The following LRRC39 variants were observed in gnomAD, a reference collection of about 807,000 sequenced individuals.
LRRC39 encodes the protein leucine rich repeat containing 39.
A neutral mutation model predicts 39.7 loss-of-function variants in LRRC39; 35 were observed. That is an observed-to-expected ratio of 0.88 (90% CI 0.67 to 1.17). LRRC39 has a LOEUF of 1.17. Ranked by LOEUF, LRRC39 falls within the 50% of genes most tolerant of loss-of-function variation. The pLI, the probability that LRRC39 is intolerant of heterozygous loss-of-function variation, is 0.00. For missense variants in LRRC39, 357 were observed against 385.8 expected (o/e 0.93, Z 0.62); for synonymous variants, 113 against 134.1 (o/e 0.84, Z 1.09).
intron 9 of LRRC39, chr1:100,149,314 G>T: frequency 6.5e-7 from 1 of 1,535,684 alleles, no homozygotes; most frequent in South Asian, 1.3e-5. Flanking sequence ...CTCAAATGCA[G>T]ACAATTCAGA....
At chr1:100,151,126 CAAAAAAAAAAAAA>C (rs772782982) in intron 9 of LRRC39, among the ~76,000 whole-genome samples, 2 of 43,668 alleles carry the variant, frequency 4.6e-5, no homozygotes, top group South Asian at 1.2e-3. Flanking sequence ...AGAAACTCCT[CAAAAAAAAAAAAA>C]AAAAAAAAAA....
At position 100,160,475 on chromosome 1, in the gene LRRC39, C is replaced by T. The variant is rs776852505; in HGVS notation, c.210G>A (p.Glu70=). 8 of 1,612,426 alleles carry T rather than the reference C, an allele frequency of 5.0e-6. No individual in the cohort carries two copies. In the East Asian group the frequency reaches 6.7e-5, roughly 13 times the overall value. The change falls in exon 4 of 10, where the codon GAG becomes GAA. Residue 70 remains glutamate, a synonymous_variant. Coordinates refer to ENST00000370137, the MANE Select transcript of LRRC39 (RefSeq NM_144620.4). The stretch of plus-strand genomic sequence containing the variant: ...TTCTATAAAAGCTTACCTTCCATTC[C>T]TCTTTTTCTATCTTCAAAATGACTC... The part of the protein sequence containing the change: ...DGRVILKIEK[E]EWKTLPSSLL...
intron 7 of LRRC39, 39 bp downstream of exon 7, chr1:100,156,133 A>C: frequency 6.3e-7 from 1 of 1,580,380 alleles, no homozygotes; most frequent in Non-Finnish European, 8.6e-7. Flanking sequence ...AAGAGGTTTC[A>C]AGACTTTTAT....
At chr1:100,156,857 C>T (rs576404296) in intron 6 of LRRC39, among the ~76,000 whole-genome samples, 6 of 152,222 alleles carry the variant, frequency 3.9e-5, no homozygotes, top group East Asian at 1.9e-4. Flanking sequence ...TGGTGGCACA[C>T]GACTGTAGTC....
At chr1:100,165,684 C>T (rs1659187523) in intron 3 of LRRC39, among the ~76,000 whole-genome samples, 1 of 152,040 alleles carries the variant, frequency 6.6e-6, no homozygotes, top group Non-Finnish European at 1.5e-5. Context: ...AAGTGTTTAC[C>T]AAGTAATCCA....
chr1:100,163,406 A>C (rs2101782914), intron 3 of LRRC39, among the ~76,000 whole-genome samples: 1 of 152,268 alleles, frequency 6.6e-6, no homozygotes, highest in Admixed American at 6.5e-5. Flanking sequence ...ATCTCTGTAA[A>C]GATCGCTAAA....
chr1:100,168,791 A>C (rs1419841924), intron 2 of LRRC39, among the ~76,000 whole-genome samples, 197 bp from the exon 3 acceptor site: 1 of 152,122 alleles, frequency 6.6e-6, no homozygotes, highest in African/African-American at 2.4e-5. Context: ...TAGATGAGAA[A>C]ATTAAGCTTT....
At position 100,160,503 on chromosome 1, in the gene LRRC39, C is replaced by T. The variant is rs190107043; in HGVS notation, c.182G>A (p.Gly61Glu). ...KLREKVTRED[G>E]RVILKIEKEE... ...TTTTTCTATCTTCAAAATGACTCTTCCATCTTCCCTGGTGACCTTTTCTCT... is the reference window on the plus strand; with the variant it reads ...TTTTTCTATCTTCAAAATGACTCTTTCATCTTCCCTGGTGACCTTTTCTCT... The change falls in exon 4 of 10, where the codon GGA (glycine) becomes GAA (glutamate). Residue 61 changes from glycine (G) to glutamate (E), a missense_variant. By Grantham distance (98) the Gly-to-Glu change is moderately conservative (BLOSUM62 -2). Transcript: ENST00000370137. 1.4e-5 allele frequency: 22 copies of T among 1,613,994 alleles called. No individual in the cohort carries two copies. The highest frequency in any genetic ancestry group is 1.9e-5 in the Non-Finnish European group (22 of 1,179,936).
intron 8 of LRRC39, among the ~76,000 whole-genome samples, chr1:100,154,059 TTTC>T (rs1175313556): frequency 3.9e-5 from 6 of 152,122 alleles, no homozygotes; most frequent in Admixed American, 3.9e-4. Context: ...ACAGAGGACA[TTTC>T]TTTTTTTTTT....
intron 9 of LRRC39, 99 bp downstream of exon 9, chr1:100,152,286 G>T (rs1658099195): frequency 8.3e-7 from 1 of 1,203,568 alleles, no homozygotes; most frequent in Non-Finnish European, 1.1e-6. Flanking sequence ...AAGATGGAAT[G>T]AGAAATATAT....
chr1:100,158,861 A>AAAAAAAAATCG (rs1263483565), intron 5 of LRRC39, among the ~76,000 whole-genome samples: 1 of 152,128 alleles, frequency 6.6e-6, no homozygotes, highest in African/African-American at 2.4e-5. Context: ...AATAGGAAAA[A>AAAAAAAAATCG]AAAAAAAATC....
intron 9 of LRRC39, chr1:100,150,233 A>G (rs1657845088): frequency 6.6e-6 from 1 of 152,190 alleles, no homozygotes; most frequent in African/African-American, 2.4e-5. Flanking sequence ...GTAACTCGTG[A>G]ATCTTTTTAA....
chr1:100,151,992 C>A (rs1658078704), intron 9 of LRRC39, among the ~76,000 whole-genome samples: 1 of 152,056 alleles, frequency 6.6e-6, no homozygotes, highest in African/African-American at 2.4e-5. Flanking sequence ...AAACTGTGTT[C>A]TCAATATTTT....
chr1:100,152,701 A>G (rs540248880), intron 8 of LRRC39, among the ~76,000 whole-genome samples, 177 bp from the exon 9 acceptor site: 33 of 151,190 alleles, frequency 2.2e-4, no homozygotes, highest in African/African-American at 7.8e-4. Context: ...TTCCTAAGAG[A>G]AAAAAAAACA....
intron 5 of LRRC39, 24 bp from the exon 6 acceptor site, chr1:100,158,391 AGAG>A (rs1303319139): frequency 6.3e-7 from 1 of 1,590,788 alleles, no homozygotes; most frequent in Non-Finnish European, 8.6e-7. Flanking sequence ...TATACAATAG[AGAG>A]GAGTTGGATA....
At position 100,160,471 on chromosome 1, in the gene LRRC39, A is replaced by T. The variant is rs140255458; in HGVS notation, c.214T>A (p.Trp72Arg). The T allele has an allele frequency of 5.2e-4, 833 of 1,611,848 alleles. No homozygotes were observed. Among genetic ancestry groups the T allele is most frequent in the Non-Finnish European group, 6.9e-4 (808 of 1,178,732 alleles). The change falls in exon 4 of 10, where the codon TGG (tryptophan) becomes AGG (arginine). Residue 72 changes from tryptophan (W) to arginine (R), a missense_variant. Trp to Arg is a moderately radical substitution (Grantham distance 101). Transcript: ENST00000370137. ...AATATTCTATAAAAGCTTACCTTCCATTCCTCTTTTTCTATCTTCAAAATG... is the reference window on the plus strand; with the variant it reads ...AATATTCTATAAAAGCTTACCTTCCTTTCCTCTTTTTCTATCTTCAAAATG... Reference protein sequence around the residue: ...RVILKIEKEEWKTLPSSLLKL... With the variant: ...RVILKIEKEERKTLPSSLLKL...
Position 100,148,475 on chromosome 1 carries a change from C to A in LRRC39, c.*567G>T. The A allele has an allele frequency of 9.3e-7, 1 of 1,069,900 alleles. No homozygotes were observed. The highest frequency in any genetic ancestry group is 1.3e-6 in the Non-Finnish European group (1 of 744,274). 66.3% of individuals were successfully genotyped at this position (1,069,900 alleles called of 1,614,324 possible). A position where few individuals can be genotyped will look rare whatever the true frequency, so the allele number is the denominator to read the frequency against. ...AAATATACACATCTTTTATTGTGGT[C>A]ATAAATATAATGTGTCTTGGAAGCA... On this transcript the variant is annotated 3_prime_UTR_variant, in exon 10 of 10. Transcript: ENST00000370137.
At chr1:100,162,778 A>G (rs557414733) in intron 3 of LRRC39, among the ~76,000 whole-genome samples, 7 of 152,256 alleles carry the variant, frequency 4.6e-5, no homozygotes, top group African/African-American at 7.2e-5. Flanking sequence ...AAAAGGATAC[A>G]TAATAAATAT....
At chr1:100,159,145 C>A in intron 5 of LRRC39, 114 bp downstream of exon 5, 1 of 808,944 alleles carries the variant, frequency 1.2e-6, no homozygotes, top group Non-Finnish European at 1.8e-6. Context: ...TTAAAATTCT[C>A]AAGGTTGAGG....
Sources: allele counts gnomAD v4.1 joint callset (sites outside exome capture counted in the v4.1 genomes callset), GRCh38; gene constraint gnomAD v4.1.1; transcripts MANE v1.5; gene names NCBI Gene and HGNC (gene_info 2026-07-23, HGNC 2026-07-21).